RPS6KC1: variants seen among roughly 807,000 people sequenced by gnomAD.
RPS6KC1 encodes the protein ribosomal protein S6 kinase C1, also known as inactive ribosomal protein S6 kinase delta-1.
Under a neutral mutation model 103.8 loss-of-function variants are expected in RPS6KC1, and 54 were observed. That is an observed-to-expected ratio of 0.52 (90% CI 0.42 to 0.65). The LOEUF (loss-of-function observed/expected upper bound fraction) is 0.65. Ranked by LOEUF, RPS6KC1 falls within the 30% of genes least tolerant of loss-of-function variation. The probability of loss-of-function intolerance (pLI) is 0.00; values close to 1 mark genes in which losing one functional copy is unlikely to be tolerated. For missense variants in RPS6KC1, 1,151 were observed against 1,253.8 expected (o/e 0.92, Z 1.24); for synonymous variants, 439 against 438.7 (o/e 1.00, Z -0.01).
At chr1:213,280,427 C>T in the RPS6KC1 span, among the ~76,000 whole-genome samples, 1 of 152,160 alleles carries the variant, frequency 6.6e-6, no homozygotes, top group African/African-American at 2.4e-5. Flanking sequence ...TTAAGCAAAA[C>T]CACAGTGGAA....
the RPS6KC1 span, among the ~76,000 whole-genome samples, chr1:213,780,816 A>G: frequency 0.8 from 121,303 of 152,104 alleles, 48,965 homozygotes; most frequent in East Asian, 0.98. Flanking sequence ...TTGAGGCCAG[A>G]AGTTTGAGAC....
At chr1:213,533,616 C>T in the RPS6KC1 span, among the ~76,000 whole-genome samples, 541 of 152,298 alleles carry the variant, frequency 3.6e-3, 2 homozygotes, top group Non-Finnish European at 5.7e-3. Flanking sequence ...GTCCAAAGTA[C>T]ATTCTTCACT....
intron 13 of RPS6KC1, among the ~76,000 whole-genome samples, chr1:213,262,152 A>G (rs559290306): frequency 1.3e-5 from 2 of 152,332 alleles, no homozygotes; most frequent in East Asian, 3.9e-4. Flanking sequence ...TGTTTGAGTT[A>G]GTAGACTTTA....
chr1:213,619,931 G>A, the RPS6KC1 span, among the ~76,000 whole-genome samples: 1 of 152,190 alleles, frequency 6.6e-6, no homozygotes, highest in East Asian at 1.9e-4. Flanking sequence ...AGTACTTGGA[G>A]TTAACCACAA....
At chr1:213,398,555 C>T in the RPS6KC1 span, among the ~76,000 whole-genome samples, 2 of 151,914 alleles carry the variant, frequency 1.3e-5, no homozygotes, top group African/African-American at 4.8e-5. Context: ...AGGTTGTGAC[C>T]CCAGATGCAT....
chr1:213,677,120 C>G, the RPS6KC1 span, among the ~76,000 whole-genome samples: 1 of 152,222 alleles, frequency 6.6e-6, no homozygotes, highest in Admixed American at 6.5e-5. Flanking sequence ...ACTCGACATG[C>G]CCCTTATCCT....
At chr1:213,113,529 A>G (rs1227106240) in intron 4 of RPS6KC1, among the ~76,000 whole-genome samples, 7 of 150,454 alleles carry the variant, frequency 4.7e-5, no homozygotes, top group African/African-American at 1.5e-4. Flanking sequence ...CTCTGATGGT[A>G]GTTTCTTTTG....
At position 213,144,544 on chromosome 1, in the gene RPS6KC1, C is replaced by T. The variant is rs745554688; in HGVS notation, c.835+14655C>T. Among the ~76,000 whole-genome samples the T allele has an allele frequency of 2.0e-5, 3 of 152,058 alleles. No homozygotes were observed. In the Admixed American group the frequency reaches 2.0e-4, roughly 10 times the overall value. Reference sequence around the variant, plus strand: ...CTGGGATTATAGGTGTGAGCCACTGCACCTGGCCCCCTTTCTTGACCTTTC... The same window carrying T: ...CTGGGATTATAGGTGTGAGCCACTGTACCTGGCCCCCTTTCTTGACCTTTC... On this transcript the variant is annotated intron_variant, in intron 6 of 14. Coordinates refer to ENST00000366960, the MANE Select transcript of RPS6KC1 (RefSeq NM_012424.6).
At chr1:213,251,086 C>T (rs992208077) in intron 12 of RPS6KC1, among the ~76,000 whole-genome samples, 2 of 149,170 alleles carry the variant, frequency 1.3e-5, no homozygotes, top group South Asian at 2.1e-4. Flanking sequence ...CTTCTTTATT[C>T]GCCCAGGTTT....
the RPS6KC1 span, among the ~76,000 whole-genome samples, chr1:213,697,201 C>T: frequency 5.9e-5 from 9 of 152,204 alleles, no homozygotes; most frequent in East Asian, 7.7e-4. Context: ...TCTGGGCATG[C>T]CACCCTCCAG....
At chr1:213,213,056 T>G (rs991214782) in intron 8 of RPS6KC1, among the ~76,000 whole-genome samples, 1 of 152,206 alleles carries the variant, frequency 6.6e-6, no homozygotes, top group Non-Finnish European at 1.5e-5. Flanking sequence ...GGAGCATAAG[T>G]TTTTAATTTT....
the RPS6KC1 span, among the ~76,000 whole-genome samples, chr1:213,824,613 G>A: frequency 6.6e-6 from 1 of 152,306 alleles, no homozygotes; most frequent in Non-Finnish European, 1.5e-5. Flanking sequence ...CATGGGGGCA[G>A]GTCTTGTCCC....
At chr1:213,310,848 G>A in the RPS6KC1 span, among the ~76,000 whole-genome samples, 7 of 152,198 alleles carry the variant, frequency 4.6e-5, no homozygotes, top group African/African-American at 1.7e-4. Context: ...CTGGTGGCAC[G>A]TGTTTCTGGC....
At chr1:213,235,502 C>G (rs2094202134) in intron 10 of RPS6KC1, among the ~76,000 whole-genome samples, 1 of 152,004 alleles carries the variant, frequency 6.6e-6, no homozygotes, top group Non-Finnish European at 1.5e-5. Flanking sequence ...GGGTGGTCAT[C>G]TTATTGAGAA....
At chr1:213,302,824 A>G in the RPS6KC1 span, among the ~76,000 whole-genome samples, 1 of 152,194 alleles carries the variant, frequency 6.6e-6, no homozygotes, top group South Asian at 2.1e-4. Context: ...CACTGTAAGT[A>G]TTCAGGAGCT....
chr1:213,786,733 C>T, the RPS6KC1 span, among the ~76,000 whole-genome samples: 267 of 152,232 alleles, frequency 1.8e-3, 2 homozygotes, highest in Non-Finnish European at 2.7e-3. Flanking sequence ...ACTTTTCTGG[C>T]GGGATTTTAG....
the RPS6KC1 span, among the ~76,000 whole-genome samples, chr1:213,586,730 T>G: frequency 1.3e-5 from 2 of 152,128 alleles, no homozygotes; most frequent in Non-Finnish European, 1.5e-5. Context: ...AACAAGGAAG[T>G]AGGTGATATG....
chr1:213,212,661 C>T (rs2093545042), intron 8 of RPS6KC1, among the ~76,000 whole-genome samples: 1 of 152,236 alleles, frequency 6.6e-6, no homozygotes. Flanking sequence ...AACTGCCAAA[C>T]TGTCTTCCAA....
intron 8 of RPS6KC1, among the ~76,000 whole-genome samples, chr1:213,181,017 T>C (rs1032208263): frequency 5.3e-5 from 8 of 152,160 alleles, no homozygotes; most frequent in African/African-American, 1.9e-4. Flanking sequence ...ATATAAGGTG[T>C]CACCACTGGG....
Sources: gnomAD v4.1 joint callset for allele counts (sites outside exome capture counted in the v4.1 genomes callset) on GRCh38, gnomAD v4.1.1 for gene constraint, MANE v1.5 for transcripts, NCBI Gene and HGNC (gene_info 2026-07-23, HGNC 2026-07-21) for gene names.